Variants in EBF2 observed in about 807,000 individuals in gnomAD.
The protein encoded by EBF2 is transcription factor COE2.
EBF2 carries 21 observed loss-of-function variants against 72.8 expected under a neutral mutation model. The ratio of observed to expected loss-of-function variants is 0.29; its 90% confidence interval spans 0.20 to 0.42. The LOEUF is 0.42. Among genes scored for constraint, EBF2 ranks in the 10% least tolerant of loss-of-function variants. The probability of loss-of-function intolerance (pLI) is 1.00; values close to 1 mark genes in which losing one functional copy is unlikely to be tolerated. For missense variants in EBF2, 637 were observed against 731.2 expected (o/e 0.87, Z 1.49); for synonymous variants, 299 against 274.2 (o/e 1.09, Z -0.89).
intron 6 of EBF2, among the ~76,000 whole-genome samples, chr8:25,909,366 G>A (rs1803089263): frequency 6.6e-6 from 1 of 150,904 alleles, no homozygotes; most frequent in South Asian, 2.1e-4. Context: ...TCAAAATACA[G>A]TAAGTTTTTC....
chr8:25,947,289 G>A (rs149085911), intron 6 of EBF2, among the ~76,000 whole-genome samples: 2,157 of 152,294 alleles, frequency 0.014, 24 homozygotes, highest in Non-Finnish European at 0.022. Flanking sequence ...CCCTGCACAT[G>A]CTTTCTTCCC....
chr8:25,974,339 C>T (rs1243334519), intron 6 of EBF2, among the ~76,000 whole-genome samples: 2 of 152,230 alleles, frequency 1.3e-5, no homozygotes, highest in African/African-American at 4.8e-5. Context: ...GTTCATCCTG[C>T]TGGCCTGACC....
chr8:25,998,326 A>G (rs1273258997), intron 6 of EBF2, among the ~76,000 whole-genome samples: 1 of 152,222 alleles, frequency 6.6e-6, no homozygotes, highest in Non-Finnish European at 1.5e-5. Flanking sequence ...GGAAACAGAC[A>G]AGGATATCAG....
chr8:25,842,148 CAT>C lies in EBF2; in HGVS notation c.*2459_*2460del, dbSNP rs1801755304. The C allele has an allele frequency of 6.6e-6, 1 of 151,818 alleles. No individual in the cohort carries two copies. The highest frequency in any genetic ancestry group is 2.1e-4 in the South Asian group (1 of 4,818). The allele number at this position is 151,818 out of a possible 1,614,324, so 9.4% of individuals were successfully genotyped here. A position where few individuals can be genotyped will look rare whatever the true frequency, so the allele number is the denominator to read the frequency against. On this transcript the variant is annotated 3_prime_UTR_variant, in exon 16 of 16. Transcript: ENST00000520164. ...GTTTGTAGTTACCAATAGAAATACTCATATTCCAAGTGGCACAAAAATAACTT... is the reference window on the plus strand; with the variant it reads ...GTTTGTAGTTACCAATAGAAATACTCATTCCAAGTGGCACAAAAATAACTT...
At chr8:25,850,510 G>C in intron 15 of EBF2, 84 bp downstream of exon 15, 1 of 1,397,812 alleles carries the variant, frequency 7.2e-7, no homozygotes, top group South Asian at 1.6e-5. Flanking sequence ...TAAATGGCTG[G>C]AGCTATACAA....
chr8:26,013,641 A>C (rs1805062626), intron 6 of EBF2, among the ~76,000 whole-genome samples: 1 of 151,880 alleles, frequency 6.6e-6, no homozygotes, highest in South Asian at 2.1e-4. Context: ...AACAATGTGG[A>C]TTTCCTGGCT....
chr8:25,908,778 G>A (rs1165696169), intron 6 of EBF2, among the ~76,000 whole-genome samples: 1 of 152,186 alleles, frequency 6.6e-6, no homozygotes, highest in Non-Finnish European at 1.5e-5. Flanking sequence ...GTGGGGGATT[G>A]TTAAGTGGTT....
chr8:25,960,579 G>GT (rs1349087969), intron 6 of EBF2, among the ~76,000 whole-genome samples: 1 of 152,132 alleles, frequency 6.6e-6, no homozygotes, highest in African/African-American at 2.4e-5. Flanking sequence ...AAATGTTCCA[G>GT]TTACTATACA....
At chr8:25,885,698 C>T (rs1322571614) in intron 10 of EBF2, among the ~76,000 whole-genome samples, 10 of 152,110 alleles carry the variant, frequency 6.6e-5, no homozygotes, top group Non-Finnish European at 1.2e-4. Context: ...AGTGGGTTCC[C>T]CTTCACTTGG....
intron 7 of EBF2, among the ~76,000 whole-genome samples, chr8:25,892,247 TG>T (rs751572147): frequency 4.6e-5 from 7 of 152,220 alleles, no homozygotes; most frequent in Non-Finnish European, 1.0e-4. Flanking sequence ...TATATAAATG[TG>T]GCTTCTCTTT....
chr8:26,041,984 A>T (rs1311736423), intron 2 of EBF2, 111 bp downstream of exon 2: 1 of 1,463,640 alleles, frequency 6.8e-7, no homozygotes, highest in Admixed American at 2.0e-5. Context: ...TCGATTTATC[A>T]TCCCTGATGG....
intron 15 of EBF2, among the ~76,000 whole-genome samples, chr8:25,847,925 T>C (rs912335596): frequency 2.6e-5 from 4 of 152,180 alleles, no homozygotes; most frequent in South Asian, 2.1e-4. Flanking sequence ...GTACAGTGGA[T>C]ACTGCTAAGG....
intron 10 of EBF2, among the ~76,000 whole-genome samples, chr8:25,872,026 T>C (rs1364324609): frequency 6.6e-6 from 1 of 151,772 alleles, no homozygotes; most frequent in Non-Finnish European, 1.5e-5. Flanking sequence ...GATATAAAAT[T>C]CTATATGGTT....
intron 6 of EBF2, among the ~76,000 whole-genome samples, chr8:25,939,423 G>C (rs2117154861): frequency 6.6e-6 from 1 of 152,258 alleles, no homozygotes; most frequent in South Asian, 2.1e-4. Flanking sequence ...TTGCATTTGT[G>C]TTTGCGTCCG....
intron 14 of EBF2, among the ~76,000 whole-genome samples, chr8:25,853,007 G>C (rs772040568): frequency 2.0e-5 from 3 of 152,180 alleles, no homozygotes; most frequent in Non-Finnish European, 4.4e-5. Context: ...CCTGGGTATA[G>C]ATGGGAATTA....
chr8:25,911,641 G>C (rs1053953344), intron 6 of EBF2, among the ~76,000 whole-genome samples: 11 of 152,170 alleles, frequency 7.2e-5, no homozygotes, highest in African/African-American at 2.7e-4. Context: ...GATCTGTAGG[G>C]TTCTTTCTAA....
chr8:25,888,498 A>AATGT (rs1802728442), intron 8 of EBF2, among the ~76,000 whole-genome samples: 2 of 152,186 alleles, frequency 1.3e-5, no homozygotes, highest in African/African-American at 4.8e-5. Flanking sequence ...TCACACTGGA[A>AATGT]ATGTGTAAAT....
At chr8:25,899,910 C>G (rs1585187705) in intron 7 of EBF2, among the ~76,000 whole-genome samples, 3 of 152,324 alleles carry the variant, frequency 2.0e-5, no homozygotes, top group African/African-American at 7.2e-5. Context: ...TTCTCCATTC[C>G]CATCCGGCAG....
chr8:25,974,933 C>T (rs1034363678), intron 6 of EBF2, among the ~76,000 whole-genome samples: 4 of 152,256 alleles, frequency 2.6e-5, no homozygotes, highest in Admixed American at 1.3e-4. Flanking sequence ...ATCAAGCTAC[C>T]GGCTGCCCCG....
Sources: allele counts gnomAD v4.1 joint callset (sites outside exome capture counted in the v4.1 genomes callset), GRCh38; gene constraint gnomAD v4.1.1; transcripts MANE v1.5; gene names NCBI Gene and HGNC (gene_info 2026-07-23, HGNC 2026-07-21).